PTPRD: variants seen among roughly 807,000 people sequenced by gnomAD.
The protein encoded by PTPRD is protein tyrosine phosphatase receptor type D.
In PTPRD, 34 loss-of-function variants were observed where a neutral mutation model predicts 214.5. The observed-to-expected ratio is 0.16, with a 90% confidence interval of 0.12 to 0.21. The LOEUF is 0.21. Ranked by LOEUF, PTPRD falls within the 10% of genes least tolerant of loss-of-function variation. The pLI, the probability that PTPRD is intolerant of heterozygous loss-of-function variation, is 1.00. For synonymous variants in PTPRD, 1,128 were observed against 845.7 expected (o/e 1.33, Z -5.79); for missense variants, 2,545 against 2,398.7 (o/e 1.06, Z -1.27).
chr9:9,014,146 T>G (rs2099523385), intron 11 of PTPRD, among the ~76,000 whole-genome samples: 1 of 151,734 alleles, frequency 6.6e-6, no homozygotes, highest in Non-Finnish European at 1.5e-5. Flanking sequence ...AAGAGCAAAA[T>G]GAATAACTGT....
At chr9:10,325,756 T>A (rs924687645) in intron 3 of PTPRD, among the ~76,000 whole-genome samples, 2 of 151,950 alleles carry the variant, frequency 1.3e-5, no homozygotes, top group Non-Finnish European at 2.9e-5. Flanking sequence ...AATAATTAGT[T>A]AATTGATGCC....
At chr9:9,214,680 G>T (rs934436228) in intron 9 of PTPRD, among the ~76,000 whole-genome samples, 1 of 152,026 alleles carries the variant, frequency 6.6e-6, no homozygotes, top group South Asian at 2.1e-4. Flanking sequence ...AGATAAAAAC[G>T]CCAATATTTT....
chr9:10,107,059 A>C (rs1327221050), intron 3 of PTPRD, among the ~76,000 whole-genome samples: 1 of 152,024 alleles, frequency 6.6e-6, no homozygotes, highest in Non-Finnish European at 1.5e-5. Flanking sequence ...GAACTAGAAA[A>C]TATGCAGAGC....
At chr9:10,330,878 TG>T (rs1336771167) in intron 3 of PTPRD, among the ~76,000 whole-genome samples, 4 of 151,846 alleles carry the variant, frequency 2.6e-5, no homozygotes, top group Non-Finnish European at 5.9e-5. Flanking sequence ...TGTGGCTCAC[TG>T]GTAAAGTTAG....
At chr9:9,814,413 G>A (rs958710076) in intron 5 of PTPRD, among the ~76,000 whole-genome samples, 12 of 151,396 alleles carry the variant, frequency 7.9e-5, no homozygotes, top group South Asian at 2.1e-4. Context: ...CTATAAAACC[G>A]TTAGAATAAA....
chr9:8,336,558 C>G (rs1210015063), intron 43 of PTPRD, among the ~76,000 whole-genome samples: 1 of 147,622 alleles, frequency 6.8e-6, no homozygotes, highest in Non-Finnish European at 1.5e-5. Context: ...GACTAAAACA[C>G]CAAAAGCAAT....
chr9:9,430,470 A>T (rs1048331286), intron 8 of PTPRD, among the ~76,000 whole-genome samples: 3 of 152,242 alleles, frequency 2.0e-5, no homozygotes, highest in African/African-American at 7.2e-5. Flanking sequence ...GAAAATGGCC[A>T]TACTGCCCAA....
At chr9:10,459,855 A>G (rs1566192353) in intron 2 of PTPRD, among the ~76,000 whole-genome samples, 1 of 151,814 alleles carries the variant, frequency 6.6e-6, no homozygotes, top group African/African-American at 2.4e-5. Context: ...TTAATTAAAT[A>G]TTTTAAAGAA....
chr9:10,517,688 G>A (rs1040292426), intron 2 of PTPRD, among the ~76,000 whole-genome samples: 1 of 151,952 alleles, frequency 6.6e-6, no homozygotes, highest in Admixed American at 6.6e-5. Context: ...TCTCATTTGT[G>A]TATAATGTTA....
chr9:8,693,484 A>G (rs1451006371), intron 12 of PTPRD, among the ~76,000 whole-genome samples: 1 of 152,172 alleles, frequency 6.6e-6, no homozygotes, highest in Non-Finnish European at 1.5e-5. Context: ...AGCATTCACT[A>G]TGTTTTTTCA....
At chr9:8,815,596 G>A (rs1033179917) in intron 11 of PTPRD, among the ~76,000 whole-genome samples, 3 of 152,134 alleles carry the variant, frequency 2.0e-5, no homozygotes, top group African/African-American at 7.2e-5. Context: ...CACTAATCAT[G>A]GGGTCAAAAG....
At position 8,385,252 on chromosome 9, in the gene PTPRD, C is replaced by A. The variant is rs528957947; in HGVS notation, c.4386+3980G>T. On this transcript the variant is annotated intron_variant, in intron 37 of 45. Transcript: ENST00000381196. Reference sequence around the variant, plus strand: ...AGCTTAAGAGTGAGCCAGCCAGGCACGGGCTGGCTCAAGCCTGCAGTCCAA... The same window carrying A: ...AGCTTAAGAGTGAGCCAGCCAGGCAAGGGCTGGCTCAAGCCTGCAGTCCAA... Among the ~76,000 whole-genome samples, 9 of 152,142 alleles carry A rather than the reference C, an allele frequency of 5.9e-5. No homozygotes were observed. The South Asian group carries it at 1.5e-3, about 25-fold the overall frequency.
intron 7 of PTPRD, among the ~76,000 whole-genome samples, chr9:9,577,766 CCGGGCA>C (rs2089386950): frequency 1.3e-5 from 2 of 151,884 alleles, no homozygotes; most frequent in South Asian, 4.2e-4. Flanking sequence ...TTGGATCAGT[CCGGGCA>C]CGGTGGCTCA....
chr9:9,511,163 A>G (rs1590247406), intron 8 of PTPRD, among the ~76,000 whole-genome samples: 1 of 151,774 alleles, frequency 6.6e-6, no homozygotes, highest in Non-Finnish European at 1.5e-5. Flanking sequence ...GTTGTATTCA[A>G]TTAAAAATAT....
chr9:9,976,095 T>C (rs1412824108), intron 4 of PTPRD, among the ~76,000 whole-genome samples: 1 of 152,156 alleles, frequency 6.6e-6, no homozygotes, highest in East Asian at 1.9e-4. Context: ...ATAGGAACCA[T>C]TCATTTTAAG....
chr9:8,778,379 G>A (rs535975173), intron 11 of PTPRD, among the ~76,000 whole-genome samples: 1 of 152,088 alleles, frequency 6.6e-6, no homozygotes, highest in Non-Finnish European at 1.5e-5. Flanking sequence ...TCTTTTGCCT[G>A]GCCAATATCT....
intron 2 of PTPRD, among the ~76,000 whole-genome samples, chr9:10,585,348 C>T (rs1160260): frequency 0.4 from 61,252 of 151,766 alleles, 13,071 homozygotes; most frequent in East Asian, 0.74. Flanking sequence ...TCTTATACTT[C>T]ACCTTTTACA....
intron 14 of PTPRD, among the ~76,000 whole-genome samples, chr9:8,572,030 A>G (rs1357798341): frequency 1.3e-5 from 2 of 152,154 alleles, no homozygotes; most frequent in African/African-American, 4.8e-5. Flanking sequence ...TATTAAAGCC[A>G]AAATGTGGCA....
chr9:8,787,983 T>G (rs541899004), intron 11 of PTPRD, among the ~76,000 whole-genome samples: 4 of 152,162 alleles, frequency 2.6e-5, no homozygotes, highest in Admixed American at 6.5e-5. Flanking sequence ...TTTGCTAACT[T>G]TGAGAAGTAA....
Sources: allele counts gnomAD v4.1 joint callset (sites outside exome capture counted in the v4.1 genomes callset), GRCh38; gene constraint gnomAD v4.1.1; transcripts MANE v1.5; gene names NCBI Gene and HGNC (gene_info 2026-07-23, HGNC 2026-07-21).